The following PLCL1 variants were observed in gnomAD, a reference collection of about 807,000 sequenced individuals.
PLCL1 encodes the protein inactive phospholipase C-like protein 1.
A neutral mutation model predicts 84.4 loss-of-function variants in PLCL1; 41 were observed. The ratio of observed to expected loss-of-function variants is 0.49; its 90% CI spans 0.38 to 0.63. The LOEUF (loss-of-function observed/expected upper bound fraction) is 0.63. Among genes scored for constraint, PLCL1 ranks in the 30% least tolerant of loss-of-function variants. The pLI is 0.00. For synonymous variants in PLCL1, 490 were observed against 488.3 expected (o/e 1.00, Z -0.05); for missense variants, 1,206 against 1,367.8 (o/e 0.88, Z 1.87).
chr2:198,064,902 A>G (rs1360065926), intron 1 of PLCL1, among the ~76,000 whole-genome samples: 2 of 152,210 alleles, frequency 1.3e-5, no homozygotes, highest in African/African-American at 2.4e-5. Context: ...ACCGTTTGGT[A>G]TAGGGAAGCT....
chr2:197,905,365 T>G (rs908014701), intron 1 of PLCL1, among the ~76,000 whole-genome samples: 7 of 152,238 alleles, frequency 4.6e-5, no homozygotes, highest in African/African-American at 1.7e-4. Context: ...TCTGTTCCTG[T>G]GTTAGTTTGC....
At chr2:197,947,658 C>T (rs1450916769) in intron 1 of PLCL1, among the ~76,000 whole-genome samples, 2 of 152,124 alleles carry the variant, frequency 1.3e-5, no homozygotes, top group Non-Finnish European at 1.5e-5. Flanking sequence ...TGAATGGAGA[C>T]AGTGGCAGCA....
intron 1 of PLCL1, among the ~76,000 whole-genome samples, chr2:197,895,347 A>C (rs562151138): frequency 8.6e-5 from 13 of 152,038 alleles, no homozygotes; most frequent in Admixed American, 1.3e-4. Flanking sequence ...AGATGTGTGC[A>C]TCTAAGAGAA....
chr2:197,984,847 A>T (rs1423073688), intron 1 of PLCL1, among the ~76,000 whole-genome samples: 5 of 152,200 alleles, frequency 3.3e-5, no homozygotes, highest in Non-Finnish European at 7.3e-5. Flanking sequence ...AAATAAAAGG[A>T]TAGTGAATGG....
chr2:197,857,874 G>A (rs1299506094), intron 1 of PLCL1, among the ~76,000 whole-genome samples: 6 of 151,954 alleles, frequency 3.9e-5, no homozygotes, highest in Non-Finnish European at 8.8e-5. Context: ...TTGCCCAAGA[G>A]GAAGTTGACA....
chr2:198,015,992 A>T (rs1456308085), intron 1 of PLCL1, among the ~76,000 whole-genome samples: 1 of 152,192 alleles, frequency 6.6e-6, no homozygotes, highest in African/African-American at 2.4e-5. Flanking sequence ...ATGTTGGAAA[A>T]CATTTTTGTA....
chr2:198,054,788 C>T (rs1269202250), intron 1 of PLCL1, among the ~76,000 whole-genome samples: 1 of 152,120 alleles, frequency 6.6e-6, no homozygotes, highest in African/African-American at 2.4e-5. Context: ...ATTTTGATTT[C>T]CCTGTGGGTT....
chr2:197,826,249 G>A (rs925692677), intron 1 of PLCL1, among the ~76,000 whole-genome samples: 5 of 152,084 alleles, frequency 3.3e-5, no homozygotes, highest in African/African-American at 1.2e-4. Context: ...TGTGAATATG[G>A]ACCACATCTG....
At chr2:197,891,187 A>G (rs1051601928) in intron 1 of PLCL1, among the ~76,000 whole-genome samples, 6 of 152,162 alleles carry the variant, frequency 3.9e-5, no homozygotes, top group Non-Finnish European at 8.8e-5. Context: ...GGAAACAGGC[A>G]TGGAAACATG....
At chr2:197,868,564 G>A (rs1381114440) in intron 1 of PLCL1, among the ~76,000 whole-genome samples, 1 of 151,894 alleles carries the variant, frequency 6.6e-6, no homozygotes, top group Non-Finnish European at 1.5e-5. Flanking sequence ...GCAGTGGCAC[G>A]ATCATAGCTG....
At chr2:198,097,139 G>C (rs967859628) in intron 3 of PLCL1, among the ~76,000 whole-genome samples, 19 of 152,240 alleles carry the variant, frequency 1.2e-4, no homozygotes, top group African/African-American at 4.6e-4. Context: ...CCTAAAAAAA[G>C]AACTGTCTGC....
At chr2:197,967,935 G>A (rs1228571076) in intron 1 of PLCL1, among the ~76,000 whole-genome samples, 2 of 152,124 alleles carry the variant, frequency 1.3e-5, no homozygotes, top group African/African-American at 4.8e-5. Flanking sequence ...CCTTGTTCTT[G>A]TAAGGCCTAC....
chr2:198,147,061 G>A lies in PLCL1; in HGVS notation c.*99G>A, dbSNP rs780927523. The A allele has an allele frequency of 3.2e-5, 29 of 901,506 alleles. No homozygotes were observed. The highest frequency in any genetic ancestry group is 4.1e-5 in the Non-Finnish European group (25 of 606,590). 55.8% of individuals were successfully genotyped at this position (901,506 alleles called of 1,614,324 possible). A position where few individuals can be genotyped will look rare whatever the true frequency, so the allele number is the denominator to read the frequency against. On this transcript the variant is annotated 3_prime_UTR_variant, in exon 6 of 6. Transcript: ENST00000428675. ...ATGTTTTATAAGTTCACAAAATGGT[G>A]CCCTATATGGGGTATTGGACATAGA...
At chr2:197,854,070 G>T (rs1046550782) in intron 1 of PLCL1, among the ~76,000 whole-genome samples, 2 of 152,094 alleles carry the variant, frequency 1.3e-5, no homozygotes, top group African/African-American at 4.8e-5. Flanking sequence ...ATTCCCCTTG[G>T]GTGATTCTTA....
chr2:197,939,174 A>G (rs1689107610), intron 1 of PLCL1, among the ~76,000 whole-genome samples: 1 of 152,134 alleles, frequency 6.6e-6, no homozygotes, highest in South Asian at 2.1e-4. Flanking sequence ...TCCATTTAAT[A>G]GTTTTAGTAG....
intron 1 of PLCL1, among the ~76,000 whole-genome samples, chr2:197,905,504 C>T (rs191421860): frequency 2.8e-3 from 430 of 152,284 alleles, no homozygotes; most frequent in Non-Finnish European, 5.3e-3. Flanking sequence ...GATTGATGGG[C>T]ATTTGGGTTG....
rs565050560 is a variant in PLCL1 at position 198,123,406 on chromosome 2, T to G, written c.3105+19470T>G. Reference sequence around the variant, plus strand: ...TATGGCTGTATTTGGAGATAGGGCCTTTAAAGAGGTAACTAAATTAAAATG... The same window carrying G: ...TATGGCTGTATTTGGAGATAGGGCCGTTAAAGAGGTAACTAAATTAAAATG... On this transcript the variant is annotated intron_variant, in intron 5 of 5. Transcript: ENST00000428675. Among the ~76,000 whole-genome samples the G allele has an allele frequency of 1.3e-3, 205 of 152,074 alleles. 3 individuals are homozygous for G. In the South Asian group the frequency reaches 0.041, roughly 31 times the overall value.
At position 198,084,133 on chromosome 2, in the gene PLCL1, A is replaced by G; in HGVS notation, c.616A>G (p.Asn206Asp). Residue 206 changes from asparagine to aspartate, a missense_variant, in exon 2 of 6, where the codon AAT (asparagine) becomes GAT (aspartate). Asn to Asp is a conservative substitution (Grantham distance 23, BLOSUM62 1). Coordinates refer to ENST00000428675, the MANE Select transcript of PLCL1 (RefSeq NM_006226.4). ...CTATGAGTCTCTGGACCTAGTTGCC[A>G]ATTCAGCAGATGTGGCAAACATCTG... ...ENYESLDLVA[N>D]SADVANIWVS... is the part of the protein sequence containing the mutation. 1 of 1,614,164 alleles carries G rather than the reference A, an allele frequency of 6.2e-7. No individual in the cohort carries two copies. The highest frequency in any genetic ancestry group is 8.5e-7 in the Non-Finnish European group (1 of 1,179,998).
intron 1 of PLCL1, among the ~76,000 whole-genome samples, chr2:197,887,537 AC>A (rs1398082279): frequency 1.3e-5 from 2 of 152,188 alleles, no homozygotes; most frequent in East Asian, 3.9e-4. Context: ...TATGAGAGTA[AC>A]TTTTTCCTAT....
Sources: allele counts gnomAD v4.1 joint callset (sites outside exome capture counted in the v4.1 genomes callset), GRCh38; gene constraint gnomAD v4.1.1; transcripts MANE v1.5; gene names NCBI Gene and HGNC (gene_info 2026-07-23, HGNC 2026-07-21).